Variants in PLEKHA7 observed in about 807,000 individuals in gnomAD.
The protein encoded by PLEKHA7 is pleckstrin homology domain-containing family A member 7.
A neutral mutation model predicts 170.0 loss-of-function variants in PLEKHA7; 104 were observed. That is an observed-to-expected ratio of 0.61 (90% confidence interval 0.52 to 0.72). The LOEUF (loss-of-function observed/expected upper bound fraction) is 0.72, where lower values mean the gene tolerates loss of function less well. Among genes scored for constraint, PLEKHA7 ranks in the 30% least tolerant of loss-of-function variants. The probability of loss-of-function intolerance (pLI) is 0.00; values close to 1 mark genes in which losing one functional copy is unlikely to be tolerated. For synonymous variants in PLEKHA7, 648 were observed against 660.8 expected (o/e 0.98, Z 0.30); for missense variants, 1,615 against 1,671.7 (o/e 0.97, Z 0.59).
intron 4 of PLEKHA7, among the ~76,000 whole-genome samples, chr11:16,861,224 A>G (rs1376793138): frequency 6.6e-6 from 1 of 152,108 alleles, no homozygotes; most frequent in Non-Finnish European, 1.5e-5. Context: ...GGAGAACAGT[A>G]ATGTCAAGAA....
intron 3 of PLEKHA7, among the ~76,000 whole-genome samples, chr11:16,920,747 A>G (rs1859025749): frequency 6.6e-6 from 1 of 152,196 alleles, no homozygotes; most frequent in Non-Finnish European, 1.5e-5. Flanking sequence ...CTCTGACGAC[A>G]CCAGCAGGCT....
At chr11:16,949,796 G>A (rs1370818145) in intron 3 of PLEKHA7, among the ~76,000 whole-genome samples, 1 of 152,092 alleles carries the variant, frequency 6.6e-6, no homozygotes, top group Non-Finnish European at 1.5e-5. Context: ...AATGCTGTCA[G>A]AGCATGGAGA....
At chr11:16,894,371 A>G (rs1856867355) in intron 3 of PLEKHA7, among the ~76,000 whole-genome samples, 1 of 152,234 alleles carries the variant, frequency 6.6e-6, no homozygotes, top group East Asian at 1.9e-4. Flanking sequence ...GAGCAGGAAG[A>G]AGGCTCCTGA....
intron 3 of PLEKHA7, among the ~76,000 whole-genome samples, chr11:16,995,268 G>A (rs1864272643): frequency 6.6e-6 from 1 of 152,148 alleles, no homozygotes; most frequent in African/African-American, 2.4e-5. Flanking sequence ...GGCCACTCTG[G>A]CTTTCAATGC....
intron 3 of PLEKHA7, among the ~76,000 whole-genome samples, chr11:16,929,639 G>A (rs1056455524): frequency 6.6e-6 from 1 of 152,202 alleles, no homozygotes; most frequent in Non-Finnish European, 1.5e-5. Flanking sequence ...TTTCCTTTTA[G>A]GGGGTGGATG....
intron 3 of PLEKHA7, among the ~76,000 whole-genome samples, chr11:16,907,628 G>A (rs1243149102): frequency 2.4e-5 from 3 of 126,366 alleles, no homozygotes; most frequent in Non-Finnish European, 3.7e-5. Context: ...CTGCCTGGCC[G>A]CCCCTACTGG....
chr11:16,899,683 C>T (rs781621485), intron 3 of PLEKHA7, among the ~76,000 whole-genome samples: 4 of 152,040 alleles, frequency 2.6e-5, no homozygotes, highest in Non-Finnish European at 5.9e-5. Context: ...ACTGAAGGCC[C>T]GCTATGTCTC....
intron 3 of PLEKHA7, among the ~76,000 whole-genome samples, chr11:16,883,151 T>G (rs111991263): frequency 0.013 from 1,947 of 152,220 alleles, 35 homozygotes; most frequent in African/African-American, 0.042. Context: ...AGTTGCTGTA[T>G]AGAACCTCCA....
rs1565210272 is a variant in PLEKHA7 at position 17,014,205 on chromosome 11, CG to C, written c.87-5del. ...GGTCGTGCAGCGGAGCTGGTCACTGCGGGCAGAGAGGTGCACCTGTTAGCGC... is the reference window on the plus strand; with the variant it reads ...GGTCGTGCAGCGGAGCTGGTCACTGCGGCAGAGAGGTGCACCTGTTAGCGC... On this transcript the variant is annotated splice_region_variant and splice_polypyrimidine_tract_variant and intron_variant, in intron 1 of 26. Transcript: ENST00000531066. 3 of 1,572,350 alleles carry C rather than the reference CG, an allele frequency of 1.9e-6. No individual in the cohort carries two copies. Among genetic ancestry groups the C allele is most frequent in the Non-Finnish European group, 2.6e-6 (3 of 1,162,956 alleles).
At chr11:16,901,800 G>A (rs1857357517) in intron 3 of PLEKHA7, among the ~76,000 whole-genome samples, 2 of 152,210 alleles carry the variant, frequency 1.3e-5, no homozygotes, top group African/African-American at 4.8e-5. Context: ...GACCCAGGAG[G>A]TGGAGGTTGC....
intron 3 of PLEKHA7, among the ~76,000 whole-genome samples, chr11:16,958,715 C>T (rs78772076): frequency 0.017 from 2,610 of 152,130 alleles, 90 homozygotes; most frequent in African/African-American, 0.061. Context: ...TAAAATGTCC[C>T]CAAAATCTAG....
chr11:16,904,525 T>C (rs1857530900), intron 3 of PLEKHA7, among the ~76,000 whole-genome samples: 1 of 152,240 alleles, frequency 6.6e-6, no homozygotes, highest in Non-Finnish European at 1.5e-5. Flanking sequence ...ATATAAAATA[T>C]AATCTCAATT....
chr11:16,784,613 G>T (rs217756), intron 24 of PLEKHA7, among the ~76,000 whole-genome samples: 132,230 of 152,204 alleles, frequency 0.87, 57,615 homozygotes, highest in East Asian at 0.93. Context: ...CTAAGAACAC[G>T]AAAGGAAGCT....
chr11:16,782,779 G>A lies in PLEKHA7; in HGVS notation c.3768C>T (p.Ala1256=). ...CTGCCACCTGCTTGCTACGCTGGGA[G>A]GCCTCGGAGGCCAGGGCGTAGGAGA... ...INISYALASE[A]SQRSKQVAAQ... The change falls in exon 26 of 27, where the codon GCC becomes GCT. Residue 1256 remains alanine (A), a synonymous_variant. Coordinates refer to ENST00000531066, the MANE Select transcript of PLEKHA7 (RefSeq NM_001329630.2). The A allele has an allele frequency of 2.0e-6, 3 of 1,536,176 alleles. No homozygotes were observed. In the South Asian group the frequency reaches 3.6e-5, roughly 18 times the overall value.
At chr11:16,813,061 A>G in intron 13 of PLEKHA7, 52 bp downstream of exon 13, 1 of 1,532,024 alleles carries the variant, frequency 6.5e-7, no homozygotes, top group East Asian at 2.3e-5. Context: ...GTGAGGTGAC[A>G]CTCTCAGAAA....
At chr11:16,971,663 G>A (rs1590751660) in intron 3 of PLEKHA7, among the ~76,000 whole-genome samples, 1 of 152,016 alleles carries the variant, frequency 6.6e-6, no homozygotes, top group Non-Finnish European at 1.5e-5. Flanking sequence ...GAAAGGTCAG[G>A]GCAGGAGATA....
rs564401300 is a variant in PLEKHA7, at chr11:16,946,820, GA to G, written c.221+67168del. Among the ~76,000 whole-genome samples the G allele has an allele frequency of 5.2e-3, 789 of 152,212 alleles. 2 individuals are homozygous for G. The highest frequency in any genetic ancestry group is 0.01 in the Middle Eastern group (3 of 294). On this transcript the variant is annotated intron_variant, in intron 3 of 26. Coordinates refer to ENST00000531066, the MANE Select transcript of PLEKHA7 (RefSeq NM_001329630.2). Reference sequence around the variant, plus strand: ...CCTCCCCCACAGAGACAACCTAGGGGAAACACTCCCTCGGCCACCATTCTGC... The same window carrying G: ...CCTCCCCCACAGAGACAACCTAGGGGAACACTCCCTCGGCCACCATTCTGC...
At chr11:16,867,407 C>T (rs1043966807) in intron 4 of PLEKHA7, among the ~76,000 whole-genome samples, 2 of 152,106 alleles carry the variant, frequency 1.3e-5, no homozygotes, top group Admixed American at 1.3e-4. Flanking sequence ...CAAGAGGAGT[C>T]AATGTGGTTA....
At chr11:16,868,696 A>C (rs1043925909) in intron 4 of PLEKHA7, among the ~76,000 whole-genome samples, 2 of 152,328 alleles carry the variant, frequency 1.3e-5, no homozygotes, top group South Asian at 4.1e-4. Context: ...ACACCACCTG[A>C]GACAAGCAGG....
Sources: allele counts gnomAD v4.1 joint callset (sites outside exome capture counted in the v4.1 genomes callset), GRCh38; gene constraint gnomAD v4.1.1; transcripts MANE v1.5; gene names NCBI Gene and HGNC (gene_info 2026-07-23, HGNC 2026-07-21).